Variants in DNAAF9 observed in about 807,000 individuals in gnomAD.
The protein encoded by DNAAF9 is shulin.
Under a neutral mutation model 167.0 loss-of-function variants are expected in DNAAF9, and 90 were observed. The ratio of observed to expected loss-of-function variants is 0.54; its 90% confidence interval spans 0.45 to 0.64. The LOEUF is 0.64. Ranked by LOEUF, DNAAF9 falls within the 30% of genes least tolerant of loss-of-function variation. The pLI is 0.00. For missense variants in DNAAF9, 1,315 were observed against 1,442.2 expected, an observed-to-expected ratio of 0.91 and a Z score of 1.43; for synonymous variants, 491 against 508.8, an observed-to-expected ratio of 0.96 and a Z score of 0.47.
chr20:3,307,967 T>TAAAAAAAAAAA (rs367851853), intron 20 of DNAAF9, among the ~76,000 whole-genome samples: 1 of 123,452 alleles, frequency 8.1e-6, no homozygotes, highest in Non-Finnish European at 1.6e-5. Flanking sequence ...ACACAAGGTT[T>TAAAAAAAAAAA]AAAAAAAAAA....
Position 3,344,590 on chromosome 20 carries a change from TACACACACACACACACACACACACACAC to T in DNAAF9, c.790-887_790-860del, listed in dbSNP as rs4053351. Among the ~76,000 whole-genome samples the T allele has an allele frequency of 5.5e-5, 8 of 144,638 alleles. No homozygotes were observed. In the East Asian group the frequency reaches 8.3e-4, roughly 15 times the overall value. The allele number at this position is 144,638 out of a possible 152,430, so 94.9% of individuals were successfully genotyped here. On this transcript the variant is annotated intron_variant, in intron 8 of 36. Coordinates refer to ENST00000252032, the MANE Select transcript of DNAAF9 (RefSeq NM_001009984.3). The stretch of plus-strand genomic sequence containing the variant: ...ATATAATGGAAAAAATACACACACA[TACACACACACACACACACACACACACAC>T]ACACACACACACACACACACACCTC...
chr20:3,307,825 T>C (rs2069327384), intron 20 of DNAAF9, among the ~76,000 whole-genome samples: 1 of 152,044 alleles, frequency 6.6e-6, no homozygotes, highest in African/African-American at 2.4e-5. Flanking sequence ...TTCAGAAAAC[T>C]GGCTGTACAA....
At position 3,279,940 on chromosome 20, in the gene DNAAF9, GTT is replaced by G. The variant is rs570480305; in HGVS notation, c.2613-993_2613-992del. ...TAATGATGTTCGCAACACTGGGGGAGTTTCTCTCCTGGAATTTCCTTGGTGGC... is the reference window on the plus strand; with the variant it reads ...TAATGATGTTCGCAACACTGGGGGAGTCTCTCCTGGAATTTCCTTGGTGGC... On this transcript the variant is annotated intron_variant, in intron 28 of 36. Transcript: ENST00000252032. Among the ~76,000 whole-genome samples the G allele has an allele frequency of 3.0e-4, 45 of 152,286 alleles. 1 individual carries two copies. In the East Asian group the frequency reaches 8.1e-3, roughly 27 times the overall value.
rs144622851 is a variant in DNAAF9 at position 3,377,129 on chromosome 20, A to C, written c.284-827T>G. Among the ~76,000 whole-genome samples the C allele has an allele frequency of 5.3e-3, 809 of 152,300 alleles. 6 individuals are homozygous for C. Among genetic ancestry groups the C allele is most frequent in the African/African-American group, 0.018 (754 of 41,568 alleles). On this transcript the variant is annotated intron_variant, in intron 3 of 36. Coordinates refer to ENST00000252032, the MANE Select transcript of DNAAF9 (RefSeq NM_001009984.3). ...TCAACAGAATGTCTGGGCTAAGATA[A>C]GCGGTTGTGGAGACCAAGGTTCTTA...
At chr20:3,270,658 C>T (rs940876480) in intron 29 of DNAAF9, 96 bp from the exon 30 acceptor site, 8 of 1,034,540 alleles carry the variant, frequency 7.7e-6, no homozygotes, top group Non-Finnish European at 1.0e-5. Flanking sequence ...CCTAATCATG[C>T]CTTCCAGTAG....
In DNAAF9 at chr20:3,349,206, A is replaced by AG. The variant is rs1568620370; in HGVS notation, c.691-584_691-583insC. ...CTCGTCTCTACCAAAAAAAAAAACAAAAAAAAAAAAAACACCATGAAAAAA... is the reference window on the plus strand; with the variant it reads ...CTCGTCTCTACCAAAAAAAAAAACAAGAAAAAAAAAAAACACCATGAAAAAA... On this transcript the variant is annotated intron_variant, in intron 7 of 36. Transcript: ENST00000252032. 5.9e-3 allele frequency among the ~76,000 whole-genome samples: 875 copies of AG among 147,640 alleles called. 16 individuals are homozygous for AG. Among genetic ancestry groups the AG allele is most frequent in the African/African-American group, 0.022 (840 of 38,834 alleles).
At chr20:3,388,143 A>G (rs2083777582) in intron 1 of DNAAF9, among the ~76,000 whole-genome samples, 1 of 151,996 alleles carries the variant, frequency 6.6e-6, no homozygotes, top group Non-Finnish European at 1.5e-5. Context: ...AAGCACATGA[A>G]AAGAAACTCA....
In DNAAF9 at chr20:3,315,261, T is replaced by C. The variant is rs1600766681; in HGVS notation, c.1591-141A>G. 4.7e-6 allele frequency: 3 copies of C among 632,020 alleles called. No individual in the cohort carries two copies. The highest frequency in any genetic ancestry group is 5.3e-5 in the East Asian group (2 of 37,868). 39.2% of individuals were successfully genotyped at this position (632,020 alleles called of 1,614,324 possible). ...GCTCAGATATGCCCAATGTATTCCA[T>C]GGCCTTTGGCATTGTCTGGCTCTTT... On this transcript the variant is annotated intron_variant, in intron 19 of 36. Transcript: ENST00000252032. This position sits in a 1 kb window ranked among gnomAD's most constrained non-coding sequence, Gnocchi z 4.1.
chr20:3,274,847 C>T (rs1350606041), intron 29 of DNAAF9, among the ~76,000 whole-genome samples: 2 of 152,190 alleles, frequency 1.3e-5, no homozygotes, highest in Non-Finnish European at 2.9e-5. Context: ...GAAACTAAGT[C>T]ATACAATTTC....
At chr20:3,380,910 A>G (rs1379072621) in intron 3 of DNAAF9, among the ~76,000 whole-genome samples, 1 of 152,266 alleles carries the variant, frequency 6.6e-6, no homozygotes, top group Non-Finnish European at 1.5e-5. Context: ...TTCATGAATT[A>G]AAGTCACAGA....
intron 6 of DNAAF9, chr20:3,362,280 G>C: frequency 8.1e-7 from 1 of 1,233,268 alleles, no homozygotes; most frequent in East Asian, 2.3e-5. Flanking sequence ...CCAACAGTTG[G>C]AAATTGCAAG....
At chr20:3,311,758 A>T (rs2069417024) in intron 20 of DNAAF9, among the ~76,000 whole-genome samples, 1 of 152,234 alleles carries the variant, frequency 6.6e-6, no homozygotes, top group South Asian at 2.1e-4. Context: ...CTAGGTATAT[A>T]GGCATGTGTG....
rs995283912 is a variant in DNAAF9 at position 3,252,807 on chromosome 20, A to G, written c.3422-123T>C. 6 of 685,638 alleles carry G rather than the reference A, an allele frequency of 8.8e-6. No homozygotes were observed. The East Asian group carries it at 1.0e-4, about 12-fold the overall frequency. The allele number at this position is 685,638 out of a possible 1,614,324, so 42.5% of individuals were successfully genotyped here. Reference sequence around the variant, plus strand: ...GGAAGTGAGTGTCTGGCCCATAGAGAGGGAACCTGATGGACTCTTTGTATA... The same window carrying G: ...GGAAGTGAGTGTCTGGCCCATAGAGGGGGAACCTGATGGACTCTTTGTATA... On this transcript the variant is annotated intron_variant, in intron 36 of 36. Coordinates refer to ENST00000252032, the MANE Select transcript of DNAAF9 (RefSeq NM_001009984.3).
rs6115857 is a variant in DNAAF9 at position 3,347,097 on chromosome 20, G to A, written c.789+1428C>T. Among the ~76,000 whole-genome samples the A allele has an allele frequency of 8.2e-3, 1,251 of 151,722 alleles. 20 individuals carry two copies. The highest frequency in any genetic ancestry group is 0.029 in the African/African-American group (1,181 of 41,378). The stretch of plus-strand genomic sequence containing the variant: ...CAAACTACTCAAAATCAGTAATAAA[G>A]AGAAAATCTTAAAAGCTGCCAGAGG... On this transcript the variant is annotated intron_variant, in intron 8 of 36. Transcript: ENST00000252032.
At chr20:3,371,778 G>A (rs1287052306) in intron 6 of DNAAF9, among the ~76,000 whole-genome samples, 1 of 152,102 alleles carries the variant, frequency 6.6e-6, no homozygotes, top group Non-Finnish European at 1.5e-5. Context: ...ATAAACAGAT[G>A]AATGAATGCT....
intron 30 of DNAAF9, among the ~76,000 whole-genome samples, chr20:3,267,633 A>G (rs2068512533): frequency 6.6e-6 from 1 of 152,130 alleles, no homozygotes. Context: ...CCAGGAGTTC[A>G]ACACCAGCCT....
intron 14 of DNAAF9, 130 bp downstream of exon 14, chr20:3,324,762 C>T (rs2069680603): frequency 1.2e-5 from 8 of 649,786 alleles, no homozygotes; most frequent in Non-Finnish European, 1.9e-5. Context: ...GAATGATTCT[C>T]CTTCACACAT....
At chr20:3,258,145 C>T (rs1205268666) in intron 33 of DNAAF9, among the ~76,000 whole-genome samples, 2 of 149,678 alleles carry the variant, frequency 1.3e-5, no homozygotes, top group African/African-American at 2.5e-5. Flanking sequence ...GGATTACAGG[C>T]GTGAGCCACT....
At chr20:3,396,958 T>C (rs1210023768) in intron 1 of DNAAF9, among the ~76,000 whole-genome samples, 1 of 152,224 alleles carries the variant, frequency 6.6e-6, no homozygotes, top group Non-Finnish European at 1.5e-5. Flanking sequence ...ATTAAGACTC[T>C]ACTGCTGGAC....
Sources: allele counts gnomAD v4.1 joint callset (sites outside exome capture counted in the v4.1 genomes callset), GRCh38; gene constraint gnomAD v4.1.1; non-coding constraint Gnocchi (gnomAD v3.1); transcripts MANE v1.5; gene names NCBI Gene and HGNC (gene_info 2026-07-23, HGNC 2026-07-21).